The following PSMD4 variants were observed in gnomAD, a reference collection of about 807,000 sequenced individuals.
PSMD4 encodes the protein 26S proteasome non-ATPase regulatory subunit 4.
In PSMD4, 5 loss-of-function variants were observed where a neutral mutation model predicts 39.7. The observed-to-expected ratio is 0.13, with a 90% confidence interval of 0.07 to 0.26. The LOEUF (loss-of-function observed/expected upper bound fraction) is 0.26, where lower values mean the gene tolerates loss of function less well. Among genes scored for constraint, PSMD4 ranks in the 10% least tolerant of loss-of-function variants. The pLI is 1.00. For missense variants in PSMD4, 272 were observed against 486.1 expected (o/e 0.56, Z 4.14); for synonymous variants, 143 against 174.6 (o/e 0.82, Z 1.43).
chr1:151,256,858 T>C (rs1009067237), intron 1 of PSMD4, among the ~76,000 whole-genome samples: 2 of 151,940 alleles, frequency 1.3e-5, no homozygotes, highest in African/African-American at 2.4e-5. Context: ...CAAGCGATTC[T>C]CCTGCCTCAG....
intron 5 of PSMD4, 71 bp downstream of exon 5, chr1:151,265,305 G>A: frequency 1.9e-6 from 3 of 1,589,964 alleles, no homozygotes; most frequent in Non-Finnish European, 2.6e-6. Flanking sequence ...ACCCTGAGGA[G>A]TGCGGGTACT....
At chr1:151,265,957 T>G (rs767651295) in intron 6 of PSMD4, 47 bp from the exon 7 acceptor site, 3 of 1,523,626 alleles carry the variant, frequency 2.0e-6, no homozygotes, top group Non-Finnish European at 1.8e-6. Context: ...CAGCTCCCTG[T>G]AGGAGTGAGG....
intron 1 of PSMD4, among the ~76,000 whole-genome samples, chr1:151,256,742 T>C (rs1693183317): frequency 6.6e-6 from 1 of 150,394 alleles, no homozygotes; most frequent in Non-Finnish European, 1.5e-5. Context: ...CCGGCTCCTT[T>C]GCCCACTTTT....
At chr1:151,264,789 G>A in intron 3 of PSMD4, 43 bp from the exon 4 acceptor site, 2 of 1,471,642 alleles carry the variant, frequency 1.4e-6, no homozygotes, top group Non-Finnish European at 1.9e-6. Context: ...AGAGCTGAGT[G>A]ATTCCTCTGG....
chr1:151,255,843 A>G (rs1407336683), intron 1 of PSMD4, among the ~76,000 whole-genome samples: 1 of 151,682 alleles, frequency 6.6e-6, no homozygotes, highest in Non-Finnish European at 1.5e-5. Context: ...CAGTGATTGA[A>G]CTAATTTACA....
At chr1:151,261,583 G>C (rs1166941543) in intron 1 of PSMD4, among the ~76,000 whole-genome samples, 1 of 152,222 alleles carries the variant, frequency 6.6e-6, no homozygotes, top group Non-Finnish European at 1.5e-5. Flanking sequence ...CTTAAGTGCA[G>C]CTTGTAAGAA....
chr1:151,260,944 C>G (rs1383550770), intron 1 of PSMD4, among the ~76,000 whole-genome samples: 1 of 150,870 alleles, frequency 6.6e-6, no homozygotes, highest in East Asian at 2.0e-4. Context: ...CTCCCGGGTT[C>G]AAGCAATTCT....
chr1:151,258,451 G>GTTTTT (rs869128528), intron 1 of PSMD4, among the ~76,000 whole-genome samples: 16 of 99,594 alleles, frequency 1.6e-4, no homozygotes, highest in African/African-American at 5.9e-4. Flanking sequence ...CTTTTCGAGT[G>GTTTTT]TTTTTTTTTT....
intron 1 of PSMD4, among the ~76,000 whole-genome samples, chr1:151,256,343 C>CAA (rs57889256): frequency 3.0e-4 from 15 of 49,210 alleles, no homozygotes; most frequent in Non-Finnish European, 5.3e-4. Flanking sequence ...GACTCCCTCT[C>CAA]AAAAAAAAAA....
At chr1:151,260,421 A>C (rs1693288430) in intron 1 of PSMD4, among the ~76,000 whole-genome samples, 1 of 152,168 alleles carries the variant, frequency 6.6e-6, no homozygotes, top group Non-Finnish European at 1.5e-5. Context: ...TTAGATCATG[A>C]AAAGTTGCAG....
chr1:151,260,325 C>A (rs1481843559), intron 1 of PSMD4, among the ~76,000 whole-genome samples: 1 of 152,128 alleles, frequency 6.6e-6, no homozygotes, highest in African/African-American at 2.4e-5. Flanking sequence ...TTGATCCTTA[C>A]AGGAGCTTAT....
Position 151,266,417 on chromosome 1 carries a change from G to A in PSMD4, c.873G>A (p.Met291Ile). 2 of 1,614,264 alleles carry A rather than the reference G, an allele frequency of 1.2e-6. No individual in the cohort carries two copies. The highest frequency in any genetic ancestry group is 8.5e-7 in the Non-Finnish European group (1 of 1,180,052). ...MTEEEQIAYAMQMSLQGAEFG... is the reference protein window; with the variant it reads ...MTEEEQIAYAIQMSLQGAEFG... The stretch of plus-strand genomic sequence containing the variant: ...AGGAAGAGCAGATTGCTTATGCCAT[G>A]CAGATGTCCCTGCAGGGAGCAGGTG... The change falls in exon 8 of 10, where the codon ATG (methionine) becomes ATA (isoleucine). Residue 291 changes from methionine to isoleucine, a missense_variant. By Grantham distance (10) the Met-to-Ile change is conservative. This residue lies in a region of PSMD4 where 113 missense variants were observed against 184.6 expected (regional missense o/e 0.61). Coordinates refer to ENST00000368884, the MANE Select transcript of PSMD4 (RefSeq NM_002810.4).
chr1:151,260,848 A>AT (rs111878731), intron 1 of PSMD4, among the ~76,000 whole-genome samples: 2,907 of 136,474 alleles, frequency 0.021, 76 homozygotes, highest in African/African-American at 0.055. Flanking sequence ...TATTTTATAG[A>AT]TTTTTTTTTT....
rs1693123464 is a variant in PSMD4 at position 151,254,761 on chromosome 1, C to CGGGA, written c.-15_-12dup. 2 of 1,555,506 alleles carry CGGGA rather than the reference C, an allele frequency of 1.3e-6. No homozygotes were observed. The highest frequency in any genetic ancestry group is 5.0e-5 in the East Asian group (2 of 40,200). ...TGTTAGGCCGTCCCGGAGACCCGGT[C>CGGGA]GGGAGGGAGGAAGGTGGCAAGATGG... is the stretch of plus-strand genomic sequence containing the variant. On this transcript the variant is annotated 5_prime_UTR_variant, in exon 1 of 10. Transcript: ENST00000368884.
chr1:151,262,023 T>C (rs1428105580), intron 1 of PSMD4, 138 bp from the exon 2 acceptor site: 1 of 796,554 alleles, frequency 1.3e-6, no homozygotes, highest in African/African-American at 1.7e-5. Context: ...GGCTTGATCA[T>C]CTGTATATTT....
At chr1:151,258,425 G>A (rs1693231603) in intron 1 of PSMD4, among the ~76,000 whole-genome samples, 1 of 146,510 alleles carries the variant, frequency 6.8e-6, no homozygotes, top group Admixed American at 6.9e-5. Flanking sequence ...CCTTGCACAT[G>A]TGCCATTGTA....
Position 151,265,432 on chromosome 1 carries a change from G to T in PSMD4, c.477G>T (p.Thr159=). 6.2e-7 allele frequency: 1 copy of T among 1,614,214 alleles called. No individual in the cohort carries two copies. The highest frequency in any genetic ancestry group is 1.7e-5 in the Admixed American group (1 of 60,024). ...NTEKLTAFVN[T]LNGKDGTGSH... Reference sequence around the variant, plus strand: ...AAAAGCTGACAGCCTTTGTAAACACGTTGAATGGCAAAGATGGAACCGGTT... The same window carrying T: ...AAAAGCTGACAGCCTTTGTAAACACTTTGAATGGCAAAGATGGAACCGGTT... Residue 159 remains threonine, a synonymous_variant, in exon 6 of 10, where the codon ACG becomes ACT. Coordinates refer to ENST00000368884, the MANE Select transcript of PSMD4 (RefSeq NM_002810.4).
chr1:151,266,177 GC>G (rs761900495), intron 7 of PSMD4, 65 bp downstream of exon 7: 4 of 1,589,068 alleles, frequency 2.5e-6, no homozygotes, highest in Non-Finnish European at 3.4e-6. Context: ...CTGGGTGTAG[GC>G]ACTGCAGGGA....
At chr1:151,255,834 A>G (rs1015881943) in intron 1 of PSMD4, among the ~76,000 whole-genome samples, 4 of 151,776 alleles carry the variant, frequency 2.6e-5, no homozygotes, top group Non-Finnish European at 4.4e-5. Flanking sequence ...AGTGATTCCC[A>G]GTGATTGAAC....
Sources: allele counts gnomAD v4.1 joint callset (sites outside exome capture counted in the v4.1 genomes callset), GRCh38; gene constraint gnomAD v4.1.1; regional missense constraint gnomAD v4.1.1; transcripts MANE v1.5; gene names NCBI Gene and HGNC (gene_info 2026-07-23, HGNC 2026-07-21).